Variants in ATAD1 observed in about 807,000 individuals in gnomAD.
ATAD1 encodes ATPase family AAA domain containing 1.
Under a neutral mutation model 42.7 loss-of-function variants are expected in ATAD1, and 18 were observed. The ratio of observed to expected loss-of-function variants is 0.42; its 90% confidence interval spans 0.29 to 0.63. The LOEUF is 0.63. ATAD1 is among the 20% of genes least tolerant of loss of function. The pLI is 0.19. For missense variants in ATAD1, 294 were observed against 440.4 expected (o/e 0.67, Z 2.98); for synonymous variants, 132 against 143.1 (o/e 0.92, Z 0.55).
At chr10:87,806,069 G>A (rs1211007040) in intron 2 of ATAD1, among the ~76,000 whole-genome samples, 1 of 152,000 alleles carries the variant, frequency 6.6e-6, no homozygotes, top group Non-Finnish European at 1.5e-5. Flanking sequence ...AATCTCTGAG[G>A]TTTTAAAAAA....
intron 5 of ATAD1, among the ~76,000 whole-genome samples, chr10:87,778,536 T>C (rs1855421771): frequency 6.6e-6 from 1 of 152,184 alleles, no homozygotes; most frequent in Non-Finnish European, 1.5e-5. Flanking sequence ...ACACATAGAA[T>C]GAAGGTAATT....
At chr10:87,768,854 T>A (rs1440032106) in intron 7 of ATAD1, among the ~76,000 whole-genome samples, 3 of 152,090 alleles carry the variant, frequency 2.0e-5, no homozygotes, top group African/African-American at 4.8e-5. Flanking sequence ...GAGGCAAAGG[T>A]AGGAGGGTCC....
At chr10:87,795,465 G>GTT (rs60783935) in intron 2 of ATAD1, among the ~76,000 whole-genome samples, 2,263 of 143,598 alleles carry the variant, frequency 0.016, 30 homozygotes, top group African/African-American at 0.032. Flanking sequence ...TGGTTTGCTT[G>GTT]TTTTTTTTTT....
intron 1 of ATAD1, among the ~76,000 whole-genome samples, chr10:87,830,769 G>T (rs972534860): frequency 1.3e-5 from 2 of 152,086 alleles, no homozygotes; most frequent in African/African-American, 4.8e-5. Context: ...GTGTTGGCTT[G>T]TAACACTTCC....
intron 5 of ATAD1, among the ~76,000 whole-genome samples, chr10:87,783,840 G>A (rs1443577590): frequency 6.6e-6 from 1 of 151,302 alleles, no homozygotes; most frequent in Non-Finnish European, 1.5e-5. Flanking sequence ...ACATTTATGG[G>A]GATAGTGAAG....
At chr10:87,808,954 TAAATTGGTTATTATTAATTTGTTCCTTA>T (rs1277199070) in intron 2 of ATAD1, among the ~76,000 whole-genome samples, 1 of 152,226 alleles carries the variant, frequency 6.6e-6, no homozygotes, top group Admixed American at 6.5e-5. Context: ...AGAATTTGCA[TAAATTGGTTATTATTAATTTGTTCCTTA>T]AATACTGGCA....
chr10:87,793,199 A>C (rs986671331), intron 2 of ATAD1, among the ~76,000 whole-genome samples: 2 of 152,176 alleles, frequency 1.3e-5, no homozygotes, highest in Non-Finnish European at 2.9e-5. Flanking sequence ...CAGATGTCCA[A>C]CTTCCTTCAA....
chr10:87,795,375 T>C (rs1856332818), intron 2 of ATAD1, among the ~76,000 whole-genome samples: 1 of 152,018 alleles, frequency 6.6e-6, no homozygotes, highest in Non-Finnish European at 1.5e-5. Flanking sequence ...AAATTATGAT[T>C]GGACTACTGT....
intron 1 of ATAD1, among the ~76,000 whole-genome samples, chr10:87,825,117 T>C (rs775618154): frequency 1.3e-5 from 2 of 152,134 alleles, no homozygotes; most frequent in African/African-American, 2.4e-5. Context: ...CCTACAGCTG[T>C]TGATTTTAAG....
intron 6 of ATAD1, among the ~76,000 whole-genome samples, chr10:87,771,414 A>G (rs1855024481): frequency 6.6e-6 from 1 of 152,158 alleles, no homozygotes; most frequent in Admixed American, 6.5e-5. Flanking sequence ...ATTATGTTAT[A>G]GCTTGGGTAT....
At chr10:87,770,822 G>T (rs1854994915) in intron 7 of ATAD1, 130 bp downstream of exon 7, 2 of 644,330 alleles carry the variant, frequency 3.1e-6, no homozygotes, top group Non-Finnish European at 5.2e-6. Context: ...TACTGTCAGG[G>T]TTTCTGCCCC....
At chr10:87,790,212 G>A (rs930251523) in intron 4 of ATAD1, 98 bp downstream of exon 4, 68 of 1,399,740 alleles carry the variant, frequency 4.9e-5, no homozygotes, top group South Asian at 3.1e-4. Flanking sequence ...GCATCCTCTT[G>A]AGAATCTGAT....
chr10:87,792,812 C>G (rs543985404), intron 2 of ATAD1, 57 bp from the exon 3 acceptor site: 1 of 1,265,290 alleles, frequency 7.9e-7, no homozygotes, highest in African/African-American at 1.5e-5. Flanking sequence ...ACTGGCACTT[C>G]GAAATAGATA....
chr10:87,816,591 C>G (rs561709959), intron 1 of ATAD1, among the ~76,000 whole-genome samples: 55 of 152,072 alleles, frequency 3.6e-4, no homozygotes, highest in African/African-American at 1.3e-3. Flanking sequence ...CAAAAGAAGC[C>G]AAAAAGGAGA....
intron 4 of ATAD1, among the ~76,000 whole-genome samples, chr10:87,788,998 A>C (rs1373702987): frequency 6.6e-6 from 1 of 152,218 alleles, no homozygotes. Context: ...TAATAATAAA[A>C]GAACATGTCA....
intron 2 of ATAD1, among the ~76,000 whole-genome samples, chr10:87,796,648 T>C (rs1272413862): frequency 6.6e-6 from 1 of 152,164 alleles, no homozygotes; most frequent in Non-Finnish European, 1.5e-5. Context: ...CTTGGCAAAA[T>C]AAACTTTCTA....
intron 3 of ATAD1, among the ~76,000 whole-genome samples, chr10:87,791,798 C>A (rs1264080554): frequency 6.6e-6 from 1 of 152,126 alleles, no homozygotes; most frequent in East Asian, 1.9e-4. Context: ...TACATTACAT[C>A]AATCTCATCC....
At chr10:87,766,515 G>A (rs1015677813) in intron 8 of ATAD1, among the ~76,000 whole-genome samples, 2 of 152,244 alleles carry the variant, frequency 1.3e-5, no homozygotes, top group East Asian at 3.9e-4. Flanking sequence ...GTGTGTATGT[G>A]TTATTGATAG....
chr10:87,822,937 T>C (rs758879897), upstream of ATAD1, among the ~76,000 whole-genome samples: 3 of 151,550 alleles, frequency 2.0e-5, no homozygotes, highest in Admixed American at 6.6e-5. Context: ...ACCCATAAAC[T>C]TTTTTAAAAA....
Sources: allele counts gnomAD v4.1 joint callset (sites outside exome capture counted in the v4.1 genomes callset), GRCh38; gene constraint gnomAD v4.1.1; transcripts MANE v1.5; gene names NCBI Gene and HGNC (gene_info 2026-07-23, HGNC 2026-07-21).